Variants in URI1 observed in about 807,000 individuals in gnomAD.
The protein encoded by URI1 is unconventional prefoldin RPB5 interactor 1.
Under a neutral mutation model 60.2 loss-of-function variants are expected in URI1, and 39 were observed. That is an observed-to-expected ratio of 0.65 (90% CI 0.50 to 0.85). The LOEUF is 0.85. URI1 is among the 40% of genes least tolerant of loss of function. The pLI, the probability that URI1 is intolerant of heterozygous loss-of-function variation, is 0.00. For missense variants in URI1, 691 were observed against 665.9 expected (o/e 1.04, Z -0.42); for synonymous variants, 251 against 236.8 (o/e 1.06, Z -0.55).
intron 4 of URI1, among the ~76,000 whole-genome samples, chr19:29,991,489 C>G (rs1000307226): frequency 1.3e-5 from 2 of 152,090 alleles, no homozygotes; most frequent in African/African-American, 4.8e-5. Context: ...GTTCTCTGAA[C>G]TTTTTTGGGG....
intron 4 of URI1, among the ~76,000 whole-genome samples, chr19:29,996,684 A>G (rs776329597): frequency 1.8e-4 from 28 of 152,054 alleles, no homozygotes; most frequent in African/African-American, 6.5e-4. Flanking sequence ...CTTATTCCCA[A>G]TCTTAGGGGA....
chr19:30,011,262 C>T (rs768409404), intron 9 of URI1, 26 bp downstream of exon 9: 7 of 1,574,256 alleles, frequency 4.4e-6, no homozygotes, highest in Non-Finnish European at 4.3e-6. Flanking sequence ...AGCTGCAGGG[C>T]AGTCTGCTGG....
At chr19:29,975,795 C>T (rs1186640428) in intron 2 of URI1, among the ~76,000 whole-genome samples, 2 of 152,132 alleles carry the variant, frequency 1.3e-5, no homozygotes, top group Admixed American at 6.5e-5. Context: ...TGTGAGCCAC[C>T]GCACCCGGCC....
chr19:30,003,891 A>G lies in URI1; in HGVS notation c.368-1470A>G, dbSNP rs77055544. 7.5e-4 allele frequency among the ~76,000 whole-genome samples: 114 copies of G among 152,228 alleles called. 2 individuals carry two copies. In the East Asian group the frequency reaches 0.019, roughly 25 times the overall value. ...TCTTTAGATCTAAAGCTGGTTAGAC[A>G]CATTATCTGACTGAGTTTACTGAAG... On this transcript the variant is annotated intron_variant, in intron 4 of 10. Transcript: ENST00000392271.
chr19:29,950,784 CAG>C (rs1381545652), intron 1 of URI1, among the ~76,000 whole-genome samples: 1 of 152,202 alleles, frequency 6.6e-6, no homozygotes, highest in Non-Finnish European at 1.5e-5. Context: ...AAGAGCCAAT[CAG>C]AGATTACTAT....
chr19:29,953,159 T>C (rs1418415255), intron 1 of URI1, among the ~76,000 whole-genome samples: 4 of 152,212 alleles, frequency 2.6e-5, no homozygotes, highest in Non-Finnish European at 5.9e-5. Context: ...CCATCACGAG[T>C]GTCTTTCTGC....
At chr19:29,938,714 T>C (rs2054994743), upstream of URI1, among the ~76,000 whole-genome samples, 1 of 152,058 alleles carries the variant, frequency 6.6e-6, no homozygotes, top group Admixed American at 6.6e-5. Flanking sequence ...TCTCACTCTG[T>C]CACCCAGGCT....
chr19:29,964,714 G>A (rs1001662581), intron 1 of URI1, among the ~76,000 whole-genome samples: 4 of 151,776 alleles, frequency 2.6e-5, no homozygotes, highest in African/African-American at 4.8e-5. Flanking sequence ...CACCTGTCTC[G>A]GCCTCCCAAA....
chr19:30,009,435 A>G, intron 8 of URI1, 82 bp downstream of exon 8: 1 of 1,256,308 alleles, frequency 8.0e-7, no homozygotes. Context: ...AGCAATATTA[A>G]CAATCATTAT....
intron 8 of URI1, among the ~76,000 whole-genome samples, chr19:30,009,983 A>G (rs894503020): frequency 6.6e-6 from 1 of 152,158 alleles, no homozygotes; most frequent in African/African-American, 2.4e-5. Context: ...AGTATTTAAA[A>G]TAGATCAAAG....
At chr19:30,012,601 A>C (rs1040968347) in intron 10 of URI1, 70 bp downstream of exon 10, 1 of 1,531,768 alleles carries the variant, frequency 6.5e-7, no homozygotes, top group Non-Finnish European at 8.8e-7. Context: ...ATTTAATCTG[A>C]AAAGTCATAA....
chr19:29,993,612 T>C (rs1351692579), intron 4 of URI1, among the ~76,000 whole-genome samples: 1 of 152,052 alleles, frequency 6.6e-6, no homozygotes, highest in Non-Finnish European at 1.5e-5. Context: ...TTTTAAGTGA[T>C]AGGAGAAGAA....
chr19:29,942,146 A>G (rs1599655225), upstream of URI1: 4 of 930,554 alleles, frequency 4.3e-6, no homozygotes, highest in South Asian at 4.9e-5. Flanking sequence ...GTTCGCATCA[A>G]GCGCACTCCC....
chr19:30,012,188 A>G (rs919626959), intron 9 of URI1, 97 bp from the exon 10 acceptor site: 15 of 1,410,560 alleles, frequency 1.1e-5, no homozygotes, highest in Middle Eastern at 2.1e-4. Flanking sequence ...AAATTTTCAG[A>G]TTAATTTCTA....
At chr19:29,977,312 G>A (rs2055535937) in intron 2 of URI1, among the ~76,000 whole-genome samples, 1 of 151,924 alleles carries the variant, frequency 6.6e-6, no homozygotes, top group Non-Finnish European at 1.5e-5. Flanking sequence ...TATTTCATAT[G>A]AATACCTGAA....
intron 4 of URI1, among the ~76,000 whole-genome samples, chr19:29,997,534 TTTTG>T (rs1391030745): frequency 6.6e-6 from 1 of 152,094 alleles, no homozygotes; most frequent in Non-Finnish European, 1.5e-5. Context: ...AAAAATTCTG[TTTTG>T]TTTATCATTC....
chr19:29,962,451 G>C (rs1285059983), intron 1 of URI1, among the ~76,000 whole-genome samples: 1 of 136,718 alleles, frequency 7.3e-6, no homozygotes, highest in Non-Finnish European at 1.5e-5. Context: ...TAAGTCTCTG[G>C]TGTCTCTAGA....
At chr19:29,965,256 T>G (rs2055378088) in intron 1 of URI1, among the ~76,000 whole-genome samples, 1 of 152,182 alleles carries the variant, frequency 6.6e-6, no homozygotes, top group Non-Finnish European at 1.5e-5. Context: ...CTCCCTTTAT[T>G]GTGGCTACAG....
intron 4 of URI1, among the ~76,000 whole-genome samples, chr19:29,994,335 C>T (rs1360730668): frequency 1.3e-5 from 2 of 151,808 alleles, no homozygotes; most frequent in African/African-American, 4.8e-5. Flanking sequence ...CCCTCATTCA[C>T]ATGGTTGGTC....
Sources: gnomAD v4.1 joint callset for allele counts (sites outside exome capture counted in the v4.1 genomes callset) on GRCh38, gnomAD v4.1.1 for gene constraint, MANE v1.5 for transcripts, NCBI Gene and HGNC (gene_info 2026-07-23, HGNC 2026-07-21) for gene names.